Variants in RSRC1 observed in about 807,000 individuals in gnomAD.
RSRC1 encodes the protein arginine and serine rich coiled-coil 1.
Under a neutral mutation model 49.1 loss-of-function variants are expected in RSRC1, and 39 were observed. That is an observed-to-expected ratio of 0.79 (90% CI 0.61 to 1.04). The LOEUF (loss-of-function observed/expected upper bound fraction) is 1.04. Ranked by LOEUF, RSRC1 falls within the 50% of genes least tolerant of loss-of-function variation. The pLI, the probability that RSRC1 is intolerant of heterozygous loss-of-function variation, is 0.00. For synonymous variants in RSRC1, 143 were observed against 130.8 expected (o/e 1.09, Z -0.63); for missense variants, 388 against 402.4 (o/e 0.96, Z 0.31).
At chr3:158,149,665 A>G (rs1374472198) in intron 3 of RSRC1, among the ~76,000 whole-genome samples, 1 of 152,232 alleles carries the variant, frequency 6.6e-6, no homozygotes, top group Non-Finnish European at 1.5e-5. Context: ...ATGATGCTAT[A>G]GGTATTCAGA....
chr3:158,232,817 A>C lies in RSRC1; in HGVS notation c.494+29572A>C, dbSNP rs2107973701. Among the ~76,000 whole-genome samples the C allele has an allele frequency of 2.0e-5, 3 of 152,202 alleles. No homozygotes were observed. The South Asian group carries it at 6.2e-4, about 32-fold the overall frequency. Reference sequence around the variant, plus strand: ...AGTAATCACAGCACTTCAGGTGAGAAGCTGGGCTCAGTAACTCATGCCTCT... The same window carrying C: ...AGTAATCACAGCACTTCAGGTGAGACGCTGGGCTCAGTAACTCATGCCTCT... On this transcript the variant is annotated intron_variant, in intron 4 of 9. Coordinates refer to ENST00000611884, the MANE Select transcript of RSRC1 (RefSeq NM_001271838.2).
intron 6 of RSRC1, among the ~76,000 whole-genome samples, chr3:158,433,207 A>G (rs1170684277): frequency 1.3e-5 from 2 of 151,962 alleles, no homozygotes; most frequent in Non-Finnish European, 2.9e-5. Context: ...TAACACAGAA[A>G]CTATACGTAT....
intron 3 of RSRC1, among the ~76,000 whole-genome samples, chr3:158,148,984 A>G (rs1461076409): frequency 3.9e-5 from 6 of 152,082 alleles, no homozygotes; most frequent in Admixed American, 3.3e-4. Context: ...GGGTTTCACC[A>G]TGTTGGTCAG....
At chr3:158,542,719 A>G (rs1454817588) in intron 8 of RSRC1, among the ~76,000 whole-genome samples, 1 of 152,182 alleles carries the variant, frequency 6.6e-6, no homozygotes, top group Non-Finnish European at 1.5e-5. Context: ...GTGGGGGATG[A>G]TGAAAATGTT....
At chr3:158,503,058 A>T (rs984473030) in intron 7 of RSRC1, among the ~76,000 whole-genome samples, 4 of 151,994 alleles carry the variant, frequency 2.6e-5, no homozygotes, top group Non-Finnish European at 5.9e-5. Context: ...TGTTGTTGAG[A>T]TTCTTTTATT....
chr3:158,461,873 A>G (rs893166173), intron 7 of RSRC1, among the ~76,000 whole-genome samples: 6 of 151,646 alleles, frequency 4.0e-5, no homozygotes, highest in African/African-American at 1.5e-4. Context: ...CCTGTGTTTT[A>G]TTGTAACAAC....
At chr3:158,353,995 C>CTTTTTTTTTTTTTTTTTTT (rs1230649090) in intron 5 of RSRC1, among the ~76,000 whole-genome samples, 2 of 96,302 alleles carry the variant, frequency 2.1e-5, no homozygotes, top group Non-Finnish European at 3.9e-5. Flanking sequence ...GTTTCTTTTT[C>CTTTTTTTTTTTTTTTTTTT]TTTTTTTTTT....
chr3:158,472,958 A>T (rs1222506555), intron 7 of RSRC1, among the ~76,000 whole-genome samples: 1 of 152,202 alleles, frequency 6.6e-6, no homozygotes, highest in Admixed American at 6.5e-5. Flanking sequence ...TCAAAACCAC[A>T]ATGAGATATC....
intron 5 of RSRC1, among the ~76,000 whole-genome samples, chr3:158,337,739 C>T (rs1434149885): frequency 1.3e-5 from 2 of 152,140 alleles, no homozygotes; most frequent in Non-Finnish European, 2.9e-5. Context: ...CCTGGCTGCA[C>T]CTTACTTAGT....
At chr3:158,421,355 A>C (rs1204734605) in intron 6 of RSRC1, among the ~76,000 whole-genome samples, 1 of 151,928 alleles carries the variant, frequency 6.6e-6, no homozygotes, top group Non-Finnish European at 1.5e-5. Flanking sequence ...ATTAGAAGTC[A>C]TTCTTTGAGA....
intron 5 of RSRC1, among the ~76,000 whole-genome samples, chr3:158,349,811 C>T (rs924276902): frequency 2.7e-5 from 4 of 149,204 alleles, no homozygotes; most frequent in Non-Finnish European, 5.9e-5. Flanking sequence ...GATTCTCCTG[C>T]CTCAACCTCC....
chr3:158,454,730 T>C (rs1410840149), intron 6 of RSRC1, among the ~76,000 whole-genome samples: 1 of 152,146 alleles, frequency 6.6e-6, no homozygotes, highest in Non-Finnish European at 1.5e-5. Flanking sequence ...TTGTATCTCT[T>C]TCGTAAGATT....
intron 4 of RSRC1, among the ~76,000 whole-genome samples, chr3:158,251,677 C>T (rs1389076948): frequency 6.6e-6 from 1 of 152,142 alleles, no homozygotes; most frequent in Non-Finnish European, 1.5e-5. Flanking sequence ...TATCTTGCAG[C>T]TTTACTGAAT....
intron 6 of RSRC1, among the ~76,000 whole-genome samples, chr3:158,372,594 T>C (rs1411552692): frequency 2.0e-5 from 3 of 151,990 alleles, no homozygotes; most frequent in African/African-American, 7.2e-5. Flanking sequence ...TCTAACTTTG[T>C]TTTTCTTTTT....
intron 6 of RSRC1, among the ~76,000 whole-genome samples, chr3:158,441,873 T>A (rs1408020149): frequency 6.6e-6 from 1 of 152,038 alleles, no homozygotes; most frequent in African/African-American, 2.4e-5. Flanking sequence ...ACTCAAGATT[T>A]AGGGAATATA....
chr3:158,177,844 T>A lies in RSRC1; in HGVS notation c.321-25228T>A, dbSNP rs1055434720. 3.9e-5 allele frequency among the ~76,000 whole-genome samples: 6 copies of A among 152,228 alleles called. 1 individual carries two copies. In the South Asian group the frequency reaches 1.2e-3, roughly 32 times the overall value. On this transcript the variant is annotated intron_variant, in intron 3 of 9. Transcript: ENST00000611884. ...TTGCAATATAACTTTATATCAATAT[T>A]TAATATCAATATACTTTTTAGAATC...
chr3:158,429,676 T>A lies in RSRC1; in HGVS notation c.584-31259T>A, dbSNP rs1186272272. ...CTTAAAAAAAAACAACAAAAATAAATACAATAGAATAGTATCCAACCTGAA... is the reference window on the plus strand; with the variant it reads ...CTTAAAAAAAAACAACAAAAATAAAAACAATAGAATAGTATCCAACCTGAA... On this transcript the variant is annotated intron_variant, in intron 6 of 9. Transcript: ENST00000611884. 2.6e-5 allele frequency among the ~76,000 whole-genome samples: 4 copies of A among 150,960 alleles called. 1 individual carries two copies. The highest frequency in any genetic ancestry group is 9.7e-5 in the African/African-American group (4 of 41,032).
intron 5 of RSRC1, among the ~76,000 whole-genome samples, chr3:158,352,509 A>C (rs1730932916): frequency 6.6e-6 from 1 of 152,194 alleles, no homozygotes; most frequent in Non-Finnish European, 1.5e-5. Context: ...GAAATACAAA[A>C]AAAAATTAGT....
intron 6 of RSRC1, among the ~76,000 whole-genome samples, chr3:158,432,062 G>A (rs926010043): frequency 4.0e-5 from 6 of 151,860 alleles, no homozygotes; most frequent in Non-Finnish European, 7.4e-5. Flanking sequence ...ATGTTGGGGG[G>A]ATCTGACAGG....
Sources: gnomAD v4.1 joint callset for allele counts (sites outside exome capture counted in the v4.1 genomes callset) on GRCh38, gnomAD v4.1.1 for gene constraint, MANE v1.5 for transcripts, NCBI Gene and HGNC (gene_info 2026-07-23, HGNC 2026-07-21) for gene names.